Variants in LYPD6B observed in about 807,000 individuals in gnomAD.
LYPD6B encodes the protein LY6/PLAUR domain containing 6B.
LYPD6B carries 17 observed loss-of-function variants against 22.8 expected under a neutral mutation model. The observed-to-expected ratio is 0.75, with a 90% CI of 0.51 to 1.12. LYPD6B has a LOEUF of 1.12. LYPD6B is among the 50% of genes most tolerant of loss of function. The probability of loss-of-function intolerance (pLI) is 0.00; values close to 1 mark genes in which losing one functional copy is unlikely to be tolerated. For missense variants in LYPD6B, 221 were observed against 258.3 expected, an observed-to-expected ratio of 0.86 and a Z score of 0.99; for synonymous variants, 106 against 91.6, an observed-to-expected ratio of 1.16 and a Z score of -0.90.
chr2:149,205,182 A>G, intron 3 of LYPD6B, 71 bp from the exon 4 acceptor site: 1 of 1,512,650 alleles, frequency 6.6e-7, no homozygotes. Flanking sequence ...GAGCTTTCCA[A>G]ACAGAAGCAA....
In LYPD6B at chr2:149,214,741, G is replaced by A. The variant is rs1433469255; in HGVS notation, c.*31G>A. On this transcript the variant is annotated 3_prime_UTR_variant, in exon 7 of 7. Coordinates refer to ENST00000409642, the MANE Select transcript of LYPD6B (RefSeq NM_177964.5). Reference sequence around the variant, plus strand: ...CCATTCCTAGGAGAGGCAGAGACCAGCCTCTAAAGCACAAGCCAAAAACTG... The same window carrying A: ...CCATTCCTAGGAGAGGCAGAGACCAACCTCTAAAGCACAAGCCAAAAACTG... The A allele has an allele frequency of 6.2e-6, 10 of 1,611,424 alleles. No homozygotes were observed. Among genetic ancestry groups the A allele is most frequent in the Non-Finnish European group, 8.5e-6 (10 of 1,177,858 alleles).
chr2:149,050,676 A>G (rs1489163853), intron 1 of LYPD6B, among the ~76,000 whole-genome samples: 2 of 152,188 alleles, frequency 1.3e-5, no homozygotes, highest in South Asian at 2.1e-4. Context: ...AGAAATGTGC[A>G]TTATACATTT....
At chr2:149,127,606 T>A (rs2105667158) in intron 1 of LYPD6B, among the ~76,000 whole-genome samples, 1 of 152,342 alleles carries the variant, frequency 6.6e-6, no homozygotes, top group East Asian at 1.9e-4. Context: ...CTTGTATATA[T>A]GTATGCATGT....
intron 2 of LYPD6B, among the ~76,000 whole-genome samples, chr2:149,136,931 G>C (rs189414453): frequency 3.8e-4 from 58 of 152,310 alleles, no homozygotes; most frequent in African/African-American, 1.3e-3. Context: ...AGAGGACAGA[G>C]AGGAAAATTA....
rs180954814 is a variant in LYPD6B at position 149,201,438 on chromosome 2, T to C, written c.78-3815T>C. 9.9e-4 allele frequency among the ~76,000 whole-genome samples: 151 copies of C among 152,332 alleles called. 1 individual carries two copies. The highest frequency in any genetic ancestry group is 3.3e-3 in the African/African-American group (138 of 41,580). ...TGCCACAAAGACTGCAATGAAAGCC[T>C]ACTCAGCAAAGTCTCAGCAGATAAT... is the stretch of plus-strand genomic sequence containing the variant. On this transcript the variant is annotated intron_variant, in intron 3 of 6. Transcript: ENST00000409642.
intron 2 of LYPD6B, among the ~76,000 whole-genome samples, chr2:149,150,740 T>A (rs1222719295): frequency 1.3e-5 from 2 of 152,078 alleles, no homozygotes; most frequent in African/African-American, 4.8e-5. Context: ...AAATTAAAAA[T>A]ATATATTTAT....
At chr2:149,184,886 G>A (rs1267841040) in intron 3 of LYPD6B, among the ~76,000 whole-genome samples, 1 of 152,176 alleles carries the variant, frequency 6.6e-6, no homozygotes, top group Admixed American at 6.5e-5. Context: ...GTACGCGATA[G>A]GCATGTTCCC....
chr2:149,066,039 G>A (rs1684311564), intron 1 of LYPD6B, among the ~76,000 whole-genome samples: 1 of 152,090 alleles, frequency 6.6e-6, no homozygotes, highest in Admixed American at 6.6e-5. Context: ...ACAAAAATAG[G>A]CTGCTAGTTC....
intron 1 of LYPD6B, among the ~76,000 whole-genome samples, chr2:149,063,004 C>G (rs554815467): frequency 3.9e-4 from 60 of 151,988 alleles, no homozygotes; most frequent in African/African-American, 1.4e-3. Flanking sequence ...GTCCCTCCTT[C>G]CCTTTCTCCC....
At chr2:149,212,380 CAAAAAAAAAA>C (rs386391473) in intron 5 of LYPD6B, among the ~76,000 whole-genome samples, 2 of 60,130 alleles carry the variant, frequency 3.3e-5, no homozygotes, top group East Asian at 1.1e-3. Flanking sequence ...GACTCCGTCT[CAAAAAAAAAA>C]AAAAAAAAAA....
rs114465114 is a variant in LYPD6B, at chr2:149,109,604, T to C, written c.-66-21279T>C. 2.3e-3 allele frequency among the ~76,000 whole-genome samples: 356 copies of C among 152,314 alleles called. 2 individuals carry two copies. Among genetic ancestry groups the C allele is most frequent in the African/African-American group, 7.5e-3 (312 of 41,576 alleles). Reference sequence around the variant, plus strand: ...TAACTTATGTATCTTCAAATATTTTTTCTGTTCCCCGTTCTCAGTTCTTAA... The same window carrying C: ...TAACTTATGTATCTTCAAATATTTTCTCTGTTCCCCGTTCTCAGTTCTTAA... On this transcript the variant is annotated intron_variant, in intron 1 of 6. Coordinates refer to ENST00000409642, the MANE Select transcript of LYPD6B (RefSeq NM_177964.5).
At chr2:149,058,074 T>C (rs1683892283) in intron 1 of LYPD6B, among the ~76,000 whole-genome samples, 1 of 152,344 alleles carries the variant, frequency 6.6e-6, no homozygotes, top group South Asian at 2.1e-4. Context: ...AGTTCTGTTC[T>C]TGGTCCTTCT....
chr2:149,086,875 C>T (rs1051552910), intron 1 of LYPD6B, among the ~76,000 whole-genome samples: 1 of 152,160 alleles, frequency 6.6e-6, no homozygotes, highest in Non-Finnish European at 1.5e-5. Context: ...CTCTCTGAAA[C>T]CATCTGTGTC....
chr2:149,186,017 A>C (rs1692074812), intron 3 of LYPD6B, among the ~76,000 whole-genome samples: 4 of 152,186 alleles, frequency 2.6e-5, no homozygotes. Flanking sequence ...CTATTCCTTG[A>C]GACATACACT....
chr2:149,103,499 C>G (rs1686311626), intron 1 of LYPD6B, among the ~76,000 whole-genome samples: 1 of 152,072 alleles, frequency 6.6e-6, no homozygotes, highest in Non-Finnish European at 1.5e-5. Context: ...TACAATTGAC[C>G]TACAATAAAC....
chr2:149,212,032 TG>T (rs1170927124), intron 5 of LYPD6B, among the ~76,000 whole-genome samples: 1 of 151,746 alleles, frequency 6.6e-6, no homozygotes, highest in African/African-American at 2.4e-5. Context: ...TGGAAATACA[TG>T]GATGAGAAAA....
At chr2:149,211,101 G>A (rs7585089) in intron 5 of LYPD6B, among the ~76,000 whole-genome samples, 29,901 of 151,992 alleles carry the variant, frequency 0.2, 3,074 homozygotes, top group East Asian at 0.36. Context: ...AAGAAAGAGA[G>A]GGGGGAGGTG....
intron 3 of LYPD6B, among the ~76,000 whole-genome samples, chr2:149,172,516 T>G (rs1690909460): frequency 6.6e-6 from 1 of 152,202 alleles, no homozygotes; most frequent in Admixed American, 6.5e-5. Context: ...GATGAGATTA[T>G]GCCTTGTTCA....
intron 2 of LYPD6B, among the ~76,000 whole-genome samples, chr2:149,134,669 A>G (rs1047928525): frequency 9.8e-5 from 15 of 152,330 alleles, no homozygotes; most frequent in African/African-American, 3.1e-4. Context: ...GGCAGAGGGA[A>G]AAGTTGGTAT....
Sources: gnomAD v4.1 joint callset for allele counts (sites outside exome capture counted in the v4.1 genomes callset) on GRCh38, gnomAD v4.1.1 for gene constraint, MANE v1.5 for transcripts, NCBI Gene and HGNC (gene_info 2026-07-23, HGNC 2026-07-21) for gene names.